Variants in HHLA2 observed in about 807,000 individuals in gnomAD.
HHLA2 encodes HHLA2 member of B7 family, also known as HERV-H LTR-associating protein 2.
In HHLA2, 48 loss-of-function variants were observed where a neutral mutation model predicts 45.9. The observed-to-expected ratio is 1.05, with a 90% CI of 0.83 to 1.33. The LOEUF is 1.33. Ranked by LOEUF, HHLA2 falls within the 40% of genes most tolerant of loss-of-function variation. HHLA2 has a pLI of 0.00. For synonymous variants in HHLA2, 161 were observed against 173.9 expected, an observed-to-expected ratio of 0.93 and a Z score of 0.59; for missense variants, 462 against 494.3, an observed-to-expected ratio of 0.93 and a Z score of 0.62.
At chr3:108,315,285 A>C (rs1234110106) in intron 2 of HHLA2, among the ~76,000 whole-genome samples, 2 of 151,990 alleles carry the variant, frequency 1.3e-5, no homozygotes. Context: ...CAAGAACTTC[A>C]GCTATCAGAG....
chr3:108,377,089 T>C, intron 10 of HHLA2, 169 bp from the exon 10 acceptor site: 1 of 588,944 alleles, frequency 1.7e-6, no homozygotes, highest in Non-Finnish European at 3.1e-6. Context: ...CTGATAAGAC[T>C]CAGACTTATT....
intron 1 of HHLA2, among the ~76,000 whole-genome samples, chr3:108,307,253 A>G (rs2080945240): frequency 6.6e-6 from 1 of 152,118 alleles, no homozygotes; most frequent in African/African-American, 2.4e-5. Context: ...CTCTTTGTAT[A>G]TGTTGTGCTT....
intron 3 of HHLA2, among the ~76,000 whole-genome samples, chr3:108,333,585 C>A (rs1438572434): frequency 8.2e-6 from 1 of 122,406 alleles, no homozygotes; most frequent in Non-Finnish European, 1.6e-5. Context: ...TTCAGTGTTG[C>A]TCTCTCAGTA....
chr3:108,321,285 G>A (rs1273620290), intron 2 of HHLA2, among the ~76,000 whole-genome samples: 4 of 152,048 alleles, frequency 2.6e-5, no homozygotes, highest in Admixed American at 6.6e-5. Flanking sequence ...TCTGTATCAC[G>A]TTGTCGTCTT....
chr3:108,318,591 C>A (rs899503507), intron 2 of HHLA2, among the ~76,000 whole-genome samples: 1 of 152,164 alleles, frequency 6.6e-6, no homozygotes, highest in Non-Finnish European at 1.5e-5. Flanking sequence ...TTTCCCCCAA[C>A]ATCTTTTTCT....
At chr3:108,369,821 G>A (rs1219824734) in intron 8 of HHLA2, among the ~76,000 whole-genome samples, 8 of 152,208 alleles carry the variant, frequency 5.3e-5, no homozygotes, top group Non-Finnish European at 1.2e-4. Context: ...CAGGAAGCTC[G>A]AACTGGGTGG....
intron 1 of HHLA2, among the ~76,000 whole-genome samples, chr3:108,309,776 A>T (rs2080987920): frequency 6.6e-6 from 1 of 152,134 alleles, no homozygotes; most frequent in South Asian, 2.1e-4. Context: ...TTTCCATTAT[A>T]AAATTACTAT....
At chr3:108,301,053 C>T (rs1362801374) in intron 1 of HHLA2, among the ~76,000 whole-genome samples, 2 of 152,098 alleles carry the variant, frequency 1.3e-5, no homozygotes, top group Non-Finnish European at 2.9e-5. Context: ...AGGAATTATA[C>T]ATGCACAATA....
At chr3:108,318,415 G>T (rs939314064) in intron 2 of HHLA2, among the ~76,000 whole-genome samples, 1 of 152,126 alleles carries the variant, frequency 6.6e-6, no homozygotes, top group African/African-American at 2.4e-5. Flanking sequence ...GGATGCATTA[G>T]CTGCAAAGTG....
intron 3 of HHLA2, among the ~76,000 whole-genome samples, chr3:108,344,505 A>G (rs2081628664): frequency 6.6e-6 from 1 of 152,228 alleles, no homozygotes; most frequent in Non-Finnish European, 1.5e-5. Flanking sequence ...ATCAATTAAC[A>G]TAACATTTTG....
At chr3:108,334,082 C>A (rs758629836) in intron 3 of HHLA2, among the ~76,000 whole-genome samples, 12 of 152,046 alleles carry the variant, frequency 7.9e-5, no homozygotes, top group Non-Finnish European at 1.5e-4. Flanking sequence ...TGGGAGGGTG[C>A]AATGAAAATG....
intron 2 of HHLA2, among the ~76,000 whole-genome samples, chr3:108,325,196 A>G (rs1022253939): frequency 6.6e-6 from 1 of 152,186 alleles, no homozygotes; most frequent in African/African-American, 2.4e-5. Flanking sequence ...TCATGACCAG[A>G]CTATTACATT....
At chr3:108,310,362 T>C (rs930980795) in intron 1 of HHLA2, among the ~76,000 whole-genome samples, 2 of 152,190 alleles carry the variant, frequency 1.3e-5, no homozygotes, top group African/African-American at 4.8e-5. Context: ...CAAAAATACC[T>C]GTTAATATAT....
At chr3:108,319,190 C>T (rs2081154889) in intron 2 of HHLA2, among the ~76,000 whole-genome samples, 1 of 151,916 alleles carries the variant, frequency 6.6e-6, no homozygotes, top group Non-Finnish European at 1.5e-5. Flanking sequence ...TAAAAGAAAC[C>T]ATAGTGATAG....
chr3:108,321,650 C>T, intron 2 of HHLA2, among the ~76,000 whole-genome samples: 1 of 152,070 alleles, frequency 6.6e-6, no homozygotes, highest in South Asian at 2.1e-4. Context: ...CTTTCATCCA[C>T]CACTTTTATT....
intron 3 of HHLA2, among the ~76,000 whole-genome samples, chr3:108,330,612 G>A (rs1458938320): frequency 6.6e-6 from 1 of 152,118 alleles, no homozygotes; most frequent in African/African-American, 2.4e-5. Flanking sequence ...AAAGAAACTG[G>A]GATGATGTGA....
At chr3:108,330,989 G>A (rs964000130) in intron 3 of HHLA2, among the ~76,000 whole-genome samples, 4 of 152,160 alleles carry the variant, frequency 2.6e-5, no homozygotes, top group Non-Finnish European at 4.4e-5. Flanking sequence ...CCCAAGGAAA[G>A]AAAGTGCTGT....
intron 3 of HHLA2, among the ~76,000 whole-genome samples, chr3:108,337,060 G>C (rs757975411): frequency 7.2e-5 from 11 of 152,110 alleles, no homozygotes; most frequent in Non-Finnish European, 1.3e-4. Flanking sequence ...TCCAAGAGTA[G>C]TACTATTCAA....
chr3:108,340,910 TCCTTCC>T (rs71103470), intron 3 of HHLA2, among the ~76,000 whole-genome samples: 7,915 of 69,550 alleles, frequency 0.11, 734 homozygotes, highest in Middle Eastern at 0.18. Context: ...TTTTTTTTTT[TCCTTCC>T]TTCCTTCCTT....
Sources: allele counts gnomAD v4.1 joint callset (sites outside exome capture counted in the v4.1 genomes callset), GRCh38; gene constraint gnomAD v4.1.1; transcripts MANE v1.5; gene names NCBI Gene and HGNC (gene_info 2026-07-23, HGNC 2026-07-21).